The following ZFAT variants were observed in gnomAD, a reference collection of about 807,000 sequenced individuals.
ZFAT encodes zinc finger and AT-hook domain containing, also known as zinc finger protein ZFAT.
A neutral mutation model predicts 117.7 loss-of-function variants in ZFAT; 64 were observed. That is an observed-to-expected ratio of 0.54 (90% confidence interval 0.44 to 0.67). The LOEUF is 0.67. Among genes scored for constraint, ZFAT ranks in the 30% least tolerant of loss-of-function variants. The probability of loss-of-function intolerance (pLI) is 0.00; values close to 1 mark genes in which losing one functional copy is unlikely to be tolerated. For missense variants in ZFAT, 1,433 were observed against 1,584.5 expected (o/e 0.90, Z 1.62); for synonymous variants, 679 against 615.0 (o/e 1.10, Z -1.54).
chr8:134,671,921 T>C (rs1832579490), intron 1 of ZFAT, among the ~76,000 whole-genome samples: 1 of 152,168 alleles, frequency 6.6e-6, no homozygotes, highest in African/African-American at 2.4e-5. Context: ...GGATACAAAA[T>C]CAATGTGCAA....
chr8:134,533,851 A>G (rs1821616392), intron 11 of ZFAT, among the ~76,000 whole-genome samples: 1 of 152,192 alleles, frequency 6.6e-6, no homozygotes, highest in African/African-American at 2.4e-5. Context: ...TGGCTGGTCG[A>G]CGGATGGGCA....
chr8:134,641,981 A>G (rs1360634006), intron 2 of ZFAT, among the ~76,000 whole-genome samples: 3 of 152,210 alleles, frequency 2.0e-5, no homozygotes, highest in African/African-American at 4.8e-5. Flanking sequence ...CATTATCAAC[A>G]ATTTAATAAC....
At chr8:134,493,817 C>T (rs1460838950) in intron 15 of ZFAT, among the ~76,000 whole-genome samples, 13 of 152,138 alleles carry the variant, frequency 8.5e-5, no homozygotes, top group Non-Finnish European at 2.9e-5. Flanking sequence ...TCCACACCAT[C>T]ATGCCATGGC....
At chr8:134,777,415 G>C in the ZFAT span, among the ~76,000 whole-genome samples, 1 of 152,138 alleles carries the variant, frequency 6.6e-6, no homozygotes, top group Non-Finnish European at 1.5e-5. Context: ...ACACAACATG[G>C]TAATGAAGGG....
the ZFAT span, among the ~76,000 whole-genome samples, chr8:134,831,617 C>T: frequency 6.6e-6 from 1 of 152,224 alleles, no homozygotes; most frequent in East Asian, 1.9e-4. Flanking sequence ...GAGTTTCTTG[C>T]AACTGCCGGA....
In ZFAT at chr8:134,699,753, A is replaced by G. The variant is rs536351209; in HGVS notation, c.19+13092T>C. Among the ~76,000 whole-genome samples, 8 of 152,376 alleles carry G rather than the reference A, an allele frequency of 5.3e-5. 1 individual carries two copies. The highest frequency in any genetic ancestry group is 1.9e-4 in the African/African-American group (8 of 41,596). ...GAGAGAACTGCAGTTACGCTGGCAG[A>G]GAACGATGGCTGGAGAGCACCTCAC... is the stretch of plus-strand genomic sequence containing the variant. On this transcript the variant is annotated intron_variant, in intron 1 of 15. Transcript: ENST00000377838.
chr8:134,697,392 G>T (rs897589725), intron 1 of ZFAT, among the ~76,000 whole-genome samples: 1 of 151,064 alleles, frequency 6.6e-6, no homozygotes, highest in African/African-American at 2.4e-5. Flanking sequence ...GATTACAGGT[G>T]TGAGCCACCG....
chr8:134,505,392 C>T (rs935902745), intron 15 of ZFAT, among the ~76,000 whole-genome samples: 2 of 152,140 alleles, frequency 1.3e-5, no homozygotes, highest in Non-Finnish European at 2.9e-5. Context: ...CAGTAATGCC[C>T]GCACCCCTCA....
intron 1 of ZFAT, among the ~76,000 whole-genome samples, chr8:134,699,599 A>G (rs1833957978): frequency 6.6e-6 from 1 of 152,220 alleles, no homozygotes; most frequent in Non-Finnish European, 1.5e-5. Context: ...TAGCCTGAAA[A>G]GAGCACAGTT....
chr8:134,696,274 G>C (rs962190954), intron 1 of ZFAT, among the ~76,000 whole-genome samples: 1 of 152,204 alleles, frequency 6.6e-6, no homozygotes, highest in Non-Finnish European at 1.5e-5. Context: ...GCCAACCAAG[G>C]CAGCCCCTGA....
rs1832008863 is a variant in ZFAT at position 134,662,990 on chromosome 8, A to G, written c.20-5253T>C. Among the ~76,000 whole-genome samples the G allele has an allele frequency of 2.0e-5, 3 of 152,254 alleles. No homozygotes were observed. In the South Asian group the frequency reaches 6.2e-4, roughly 31 times the overall value. ...AAGTTGCTCTGCAGCGCAGACATGC[A>G]CGCACAGACACGCACAAGGGTGGTG... is the stretch of plus-strand genomic sequence containing the variant. On this transcript the variant is annotated intron_variant, in intron 1 of 15. Transcript: ENST00000377838.
intron 13 of ZFAT, among the ~76,000 whole-genome samples, chr8:134,516,622 G>A (rs545515391): frequency 6.6e-6 from 1 of 152,168 alleles, no homozygotes; most frequent in Non-Finnish European, 1.5e-5. Flanking sequence ...ATTGCTTGAG[G>A]CCAGGAGTTT....
chr8:134,625,746 T>C (rs1357468011), intron 3 of ZFAT, among the ~76,000 whole-genome samples: 4 of 152,208 alleles, frequency 2.6e-5, no homozygotes, highest in Non-Finnish European at 4.4e-5. Flanking sequence ...CTCCCTGTGA[T>C]GGGAAGCCTC....
At position 134,711,565 on chromosome 8, in the gene ZFAT, T is replaced by C. The variant is rs111830210; in HGVS notation, c.19+1280A>G. On this transcript the variant is annotated intron_variant, in intron 1 of 15. Transcript: ENST00000377838. Reference sequence around the variant, plus strand: ...TGAGGGCGGGAGGCAGAGGTTGCAGTGACCCGAGATTGCACCATTGCACCC... The same window carrying C: ...TGAGGGCGGGAGGCAGAGGTTGCAGCGACCCGAGATTGCACCATTGCACCC... Among the ~76,000 whole-genome samples, 230 of 152,250 alleles carry C rather than the reference T, an allele frequency of 1.5e-3. 1 individual carries two copies. The highest frequency in any genetic ancestry group is 5.3e-3 in the African/African-American group (222 of 41,564).
chr8:134,545,418 G>T (rs1013959099), intron 11 of ZFAT, among the ~76,000 whole-genome samples: 1 of 152,142 alleles, frequency 6.6e-6, no homozygotes, highest in Admixed American at 6.5e-5. Context: ...TAGTCCAGGA[G>T]CCAAGGTGAG....
intron 1 of ZFAT, among the ~76,000 whole-genome samples, chr8:134,709,559 G>C (rs1813909821): frequency 6.6e-6 from 1 of 152,246 alleles, no homozygotes; most frequent in Non-Finnish European, 1.5e-5. Context: ...GCTGAGAAGA[G>C]AGGGAAAACT....
At chr8:134,484,274 T>C (rs2130048294) in intron 15 of ZFAT, among the ~76,000 whole-genome samples, 1 of 152,282 alleles carries the variant, frequency 6.6e-6, no homozygotes, top group Non-Finnish European at 1.5e-5. Context: ...GGTAGGCACA[T>C]AGTAGGTGAT....
At chr8:134,639,897 C>A in intron 2 of ZFAT, 2 of 417,376 alleles carry the variant, frequency 4.8e-6, no homozygotes, top group Non-Finnish European at 9.5e-6. Context: ...TCCCCTGAAA[C>A]ACTCTATGAG....
At chr8:134,619,238 TATTTTATAATAATAATAATATAA>T in intron 3 of ZFAT, among the ~76,000 whole-genome samples, 1 of 151,990 alleles carries the variant, frequency 6.6e-6, no homozygotes, top group South Asian at 2.1e-4. Context: ...ACACAAAGCC[TATTTTATAATAATAATAATATAA>T]ATTTTATAGT....
Sources: allele counts gnomAD v4.1 joint callset (sites outside exome capture counted in the v4.1 genomes callset), GRCh38; gene constraint gnomAD v4.1.1; transcripts MANE v1.5; gene names NCBI Gene and HGNC (gene_info 2026-07-23, HGNC 2026-07-21).